The following WDR70 variants were observed in gnomAD, a reference collection of about 807,000 sequenced individuals.
The protein encoded by WDR70 is WD repeat domain 70.
Under a neutral mutation model 88.6 loss-of-function variants are expected in WDR70, and 53 were observed. The ratio of observed to expected loss-of-function variants is 0.60; its 90% CI spans 0.48 to 0.75. The LOEUF (loss-of-function observed/expected upper bound fraction) is 0.75, where lower values mean the gene tolerates loss of function less well. Ranked by LOEUF, WDR70 falls within the 30% of genes least tolerant of loss-of-function variation. The pLI, the probability that WDR70 is intolerant of heterozygous loss-of-function variation, is 0.00. For synonymous variants in WDR70, 280 were observed against 270.0 expected, an observed-to-expected ratio of 1.04 and a Z score of -0.36; for missense variants, 610 against 823.2, an observed-to-expected ratio of 0.74 and a Z score of 3.17.
intron 9 of WDR70, among the ~76,000 whole-genome samples, chr5:37,577,547 G>A (rs1241896268): frequency 6.6e-6 from 1 of 152,160 alleles, no homozygotes; most frequent in African/African-American, 2.4e-5. Flanking sequence ...AGAGGTCAGG[G>A]AAGACTTTCC....
intron 13 of WDR70, among the ~76,000 whole-genome samples, chr5:37,704,618 A>G (rs1231639183): frequency 2.6e-5 from 4 of 152,174 alleles, no homozygotes; most frequent in African/African-American, 9.7e-5. Flanking sequence ...GTCTTCTTCT[A>G]CCAGGATGTA....
intron 13 of WDR70, among the ~76,000 whole-genome samples, chr5:37,720,606 T>C (rs1747780009): frequency 6.6e-6 from 1 of 152,214 alleles, no homozygotes; most frequent in Non-Finnish European, 1.5e-5. Context: ...TTTTATCTCA[T>C]AGATAGGGAG....
At chr5:37,602,642 A>G (rs1261748440) in intron 9 of WDR70, among the ~76,000 whole-genome samples, 1 of 151,858 alleles carries the variant, frequency 6.6e-6, no homozygotes, top group Non-Finnish European at 1.5e-5. Flanking sequence ...AAAGAAAAAA[A>G]AAAGGAAAGA....
rs532946006 is a variant in WDR70, at chr5:37,519,697, A to G, written c.917+3107A>G. 2.2e-3 allele frequency among the ~76,000 whole-genome samples: 320 copies of G among 143,202 alleles called. 1 individual carries two copies. Among genetic ancestry groups the G allele is most frequent in the Non-Finnish European group, 3.5e-3 (228 of 65,258 alleles). 93.9% of individuals were successfully genotyped at this position (143,202 alleles called of 152,430 possible). A position where few individuals can be genotyped will look rare whatever the true frequency, so the allele number is the denominator to read the frequency against. Reference sequence around the variant, plus strand: ...CTTCCCAGACGATGGGCGGCCGGGCAGAGGCGCTCCTCACCTCCCAGATGG... The same window carrying G: ...CTTCCCAGACGATGGGCGGCCGGGCGGAGGCGCTCCTCACCTCCCAGATGG... On this transcript the variant is annotated intron_variant, in intron 9 of 17. Transcript: ENST00000265107.
chr5:37,593,160 T>C (rs960965273), intron 9 of WDR70, among the ~76,000 whole-genome samples: 2 of 152,126 alleles, frequency 1.3e-5, no homozygotes, highest in African/African-American at 4.8e-5. Flanking sequence ...TCTCTCTCTC[T>C]CTTTTTTTTA....
At chr5:37,704,873 A>T in intron 13 of WDR70, among the ~76,000 whole-genome samples, 1 of 127,586 alleles carries the variant, frequency 7.8e-6, no homozygotes, top group Non-Finnish European at 1.8e-5. Flanking sequence ...GAAGATGACT[A>T]TCTTGTGTCT....
intron 17 of WDR70, among the ~76,000 whole-genome samples, chr5:37,741,190 G>A (rs912965573): frequency 6.7e-6 from 1 of 150,304 alleles, no homozygotes; most frequent in Non-Finnish European, 1.5e-5. Flanking sequence ...TTTTGTCCCA[G>A]GAAGGGGATT....
At chr5:37,522,321 A>T (rs1741119671) in intron 9 of WDR70, among the ~76,000 whole-genome samples, 1 of 151,880 alleles carries the variant, frequency 6.6e-6, no homozygotes, top group South Asian at 2.1e-4. Context: ...AACACAAAAA[A>T]TTAGCTGGGC....
intron 9 of WDR70, among the ~76,000 whole-genome samples, chr5:37,597,447 A>G (rs1201418066): frequency 6.6e-6 from 1 of 152,140 alleles, no homozygotes; most frequent in Non-Finnish European, 1.5e-5. Context: ...ATGACTAGTT[A>G]TGTTAAGGAT....
At chr5:37,466,680 T>C (rs1581307329) in intron 7 of WDR70, among the ~76,000 whole-genome samples, 1 of 112,124 alleles carries the variant, frequency 8.9e-6, no homozygotes, top group Admixed American at 1.5e-4. Context: ...CACTCCAGCC[T>C]GGGCGACAGA....
At chr5:37,658,187 A>G (rs971236477) in intron 10 of WDR70, among the ~76,000 whole-genome samples, 1 of 151,980 alleles carries the variant, frequency 6.6e-6, no homozygotes, top group Non-Finnish European at 1.5e-5. Flanking sequence ...GAGGAAGAGG[A>G]GAGAAGTTGG....
At chr5:37,647,855 A>G (rs1745279864) in intron 10 of WDR70, among the ~76,000 whole-genome samples, 1 of 152,226 alleles carries the variant, frequency 6.6e-6, no homozygotes, top group African/African-American at 2.4e-5. Context: ...TGAAGCCAGT[A>G]CAGCATTGAG....
chr5:37,637,098 T>A (rs1015462105), intron 10 of WDR70, among the ~76,000 whole-genome samples: 1 of 152,044 alleles, frequency 6.6e-6, no homozygotes, highest in African/African-American at 2.4e-5. Context: ...TCCCACCACT[T>A]TGGGAGGCCG....
chr5:37,585,410 G>A (rs1395087860), intron 9 of WDR70, among the ~76,000 whole-genome samples: 2 of 152,196 alleles, frequency 1.3e-5, no homozygotes, highest in African/African-American at 4.8e-5. Context: ...GATTCATTGT[G>A]TGTTTCCCAC....
intron 9 of WDR70, among the ~76,000 whole-genome samples, chr5:37,592,242 T>A (rs1743550836): frequency 6.6e-6 from 1 of 152,202 alleles, no homozygotes; most frequent in South Asian, 2.1e-4. Flanking sequence ...TAATTTTATA[T>A]AATATTTAAA....
chr5:37,576,057 A>C (rs1392946315), intron 9 of WDR70, among the ~76,000 whole-genome samples: 10 of 141,780 alleles, frequency 7.1e-5, no homozygotes, highest in Non-Finnish European at 1.1e-4. Context: ...CTTCCTTCCA[A>C]CTTCCTTCCT....
intron 6 of WDR70, among the ~76,000 whole-genome samples, chr5:37,441,213 A>G (rs1328883604): frequency 1.3e-5 from 2 of 152,228 alleles, no homozygotes; most frequent in East Asian, 1.9e-4. Context: ...AGCAGAAGTC[A>G]CTTCTAGATT....
intron 9 of WDR70, among the ~76,000 whole-genome samples, chr5:37,543,886 A>G (rs2112334223): frequency 6.6e-6 from 1 of 152,240 alleles, no homozygotes; most frequent in Non-Finnish European, 1.5e-5. Context: ...CTGCCACCTC[A>G]GCCTCCTGAG....
chr5:37,654,374 A>G (rs535142212), intron 10 of WDR70, among the ~76,000 whole-genome samples: 1 of 152,272 alleles, frequency 6.6e-6, no homozygotes, highest in Admixed American at 6.5e-5. Context: ...TATGTGGTCA[A>G]TTTTAGAATA....
Sources: allele counts gnomAD v4.1 joint callset (sites outside exome capture counted in the v4.1 genomes callset), GRCh38; gene constraint gnomAD v4.1.1; transcripts MANE v1.5; gene names NCBI Gene and HGNC (gene_info 2026-07-23, HGNC 2026-07-21).